The following SLC25A13 variants were observed in gnomAD, a reference collection of about 807,000 sequenced individuals.
SLC25A13 encodes solute carrier family 25 member 13.
SLC25A13 carries 70 observed loss-of-function variants against 85.5 expected under a neutral mutation model. That is an observed-to-expected ratio of 0.82 (90% confidence interval 0.68 to 1.00). The LOEUF is 1.00. Among genes scored for constraint, SLC25A13 ranks in the 50% least tolerant of loss-of-function variants. SLC25A13 has a pLI of 0.00. For synonymous variants in SLC25A13, 259 were observed against 288.7 expected, an observed-to-expected ratio of 0.90 and a Z score of 1.04; for missense variants, 765 against 819.8, an observed-to-expected ratio of 0.93 and a Z score of 0.82.
chr7:96,151,629 A>G (rs1291204222), intron 13 of SLC25A13, among the ~76,000 whole-genome samples: 2 of 149,734 alleles, frequency 1.3e-5, no homozygotes, highest in Non-Finnish European at 3.0e-5. Context: ...GGTCTTCATA[A>G]TATTATAAGG....
chr7:96,180,541 C>T (rs943201542), intron 11 of SLC25A13, among the ~76,000 whole-genome samples: 1 of 152,200 alleles, frequency 6.6e-6, no homozygotes, highest in Admixed American at 6.5e-5. Flanking sequence ...GTTGGCCAGG[C>T]TGGTCTTGAA....
intron 5 of SLC25A13, among the ~76,000 whole-genome samples, chr7:96,194,392 G>A (rs1435989961): frequency 8.4e-6 from 1 of 118,454 alleles, no homozygotes; most frequent in Non-Finnish European, 1.6e-5. Flanking sequence ...GCAGTGAGCT[G>A]AGATCATGCC....
At chr7:96,131,026 T>C (rs1792007240) in intron 15 of SLC25A13, among the ~76,000 whole-genome samples, 1 of 152,156 alleles carries the variant, frequency 6.6e-6, no homozygotes, top group Admixed American at 6.5e-5. Flanking sequence ...GTATCAAAAA[T>C]GTTTGGATCC....
At chr7:96,221,860 A>C (rs1028626353) in intron 4 of SLC25A13, among the ~76,000 whole-genome samples, 1 of 152,158 alleles carries the variant, frequency 6.6e-6, no homozygotes, top group Non-Finnish European at 1.5e-5. Flanking sequence ...ATCTAAGTTG[A>C]ACTCAGAAAG....
At chr7:96,271,322 T>C (rs1798230779) in intron 3 of SLC25A13, among the ~76,000 whole-genome samples, 1 of 152,168 alleles carries the variant, frequency 6.6e-6, no homozygotes, top group African/African-American at 2.4e-5. Context: ...ACACTCTGTA[T>C]CTAATATGTA....
At chr7:96,260,779 T>C (rs963701896) in intron 3 of SLC25A13, among the ~76,000 whole-genome samples, 16 of 152,090 alleles carry the variant, frequency 1.1e-4, no homozygotes, top group African/African-American at 3.6e-4. Context: ...GCCATCACCT[T>C]TTACACAGAT....
intron 1 of SLC25A13, among the ~76,000 whole-genome samples, chr7:96,303,168 T>G (rs894087546): frequency 1.3e-5 from 2 of 152,100 alleles, no homozygotes; most frequent in Non-Finnish European, 2.9e-5. Context: ...CGTCACCAAC[T>G]GTACAGCACA....
intron 15 of SLC25A13, among the ~76,000 whole-genome samples, chr7:96,123,624 T>C (rs527614140): frequency 1.3e-5 from 2 of 152,224 alleles, no homozygotes; most frequent in Admixed American, 1.3e-4. Context: ...AACTTGAACA[T>C]AACTCCCATC....
chr7:96,142,607 G>A (rs1315174146), intron 14 of SLC25A13, among the ~76,000 whole-genome samples: 1 of 152,020 alleles, frequency 6.6e-6, no homozygotes, highest in East Asian at 1.9e-4. Flanking sequence ...ATACTAATCT[G>A]AGCAGAAAGT....
chr7:96,145,291 T>C (rs1013936558), intron 14 of SLC25A13, among the ~76,000 whole-genome samples: 1 of 152,162 alleles, frequency 6.6e-6, no homozygotes. Context: ...GAGTACTCTT[T>C]CCAATCACTT....
chr7:96,128,343 AT>A (rs1791818693), intron 15 of SLC25A13, among the ~76,000 whole-genome samples: 1 of 152,178 alleles, frequency 6.6e-6, no homozygotes, highest in Admixed American at 6.5e-5. Flanking sequence ...AATAACAAAG[AT>A]GAGAGAGACA....
chr7:96,258,901 A>T (rs2116888290), intron 3 of SLC25A13, among the ~76,000 whole-genome samples: 1 of 152,320 alleles, frequency 6.6e-6, no homozygotes, highest in Admixed American at 6.5e-5. Context: ...AAGCCTCAGA[A>T]ATAACACCAC....
chr7:96,256,037 T>C (rs1441411729), intron 3 of SLC25A13, among the ~76,000 whole-genome samples: 1 of 152,032 alleles, frequency 6.6e-6, no homozygotes, highest in African/African-American at 2.4e-5. Flanking sequence ...AGGGATATCG[T>C]CACCACCAGG....
chr7:96,171,530 A>T lies in SLC25A13; in HGVS notation c.1178-6T>A. The stretch of plus-strand genomic sequence containing the variant: ...CAATAACTGTGGCAACAGACCTAAA[A>T]ATCAACAAAAAGTAGAAGTATATTA... On this transcript the variant is annotated splice_polypyrimidine_tract_variant and splice_region_variant and intron_variant, in intron 11 of 17. Coordinates refer to ENST00000265631, the MANE Select transcript of SLC25A13 (RefSeq NM_014251.3). 6.2e-7 allele frequency: 1 copy of T among 1,609,952 alleles called. No homozygotes were observed. The highest frequency in any genetic ancestry group is 1.3e-5 in the African/African-American group (1 of 75,000).
chr7:96,226,434 T>G (rs1031867494), intron 4 of SLC25A13, among the ~76,000 whole-genome samples: 1 of 152,176 alleles, frequency 6.6e-6, no homozygotes, highest in Non-Finnish European at 1.5e-5. Flanking sequence ...CATTTGGCTG[T>G]TGCGAACAGT....
intron 6 of SLC25A13, 134 bp downstream of exon 6, chr7:96,192,903 T>C: frequency 1.0e-6 from 1 of 981,726 alleles, no homozygotes; most frequent in Non-Finnish European, 1.5e-6. Flanking sequence ...TGTTTGAGTT[T>C]AGTAATGTAT....
chr7:96,295,964 C>G (rs1481196861), intron 2 of SLC25A13, among the ~76,000 whole-genome samples: 1 of 151,804 alleles, frequency 6.6e-6, no homozygotes, highest in East Asian at 1.9e-4. Context: ...TTAATTTCAG[C>G]TGAATAACAT....
rs1374581387 is a variant in SLC25A13, at chr7:96,120,684, ACAGAATTTGTG to A, written c.*496_*506del. On this transcript the variant is annotated 3_prime_UTR_variant, in exon 18 of 18. Transcript: ENST00000265631. Reference sequence around the variant, plus strand: ...AAAAGCTTCATAATATAATCCAGAGACAGAATTTGTGCATGCTTACAATTTGAAGCCAGGCT... The same window carrying A: ...AAAAGCTTCATAATATAATCCAGAGACATGCTTACAATTTGAAGCCAGGCT... 8.8e-6 allele frequency: 4 copies of A among 454,426 alleles called. No homozygotes were observed. The highest frequency in any genetic ancestry group is 1.3e-5 in the Non-Finnish European group (3 of 226,818). The allele number at this position is 454,426 out of a possible 1,614,324, so 28.1% of individuals were successfully genotyped here.
chr7:96,295,871 T>C (rs1799327922), intron 2 of SLC25A13, among the ~76,000 whole-genome samples: 1 of 151,052 alleles, frequency 6.6e-6, no homozygotes, highest in Admixed American at 6.6e-5. Flanking sequence ...TAATAATATA[T>C]CATATATGTG....
Sources: gnomAD v4.1 joint callset for allele counts (sites outside exome capture counted in the v4.1 genomes callset) on GRCh38, gnomAD v4.1.1 for gene constraint, MANE v1.5 for transcripts, NCBI Gene and HGNC (gene_info 2026-07-23, HGNC 2026-07-21) for gene names.